Variants in PIP4K2A observed in about 807,000 individuals in gnomAD.
PIP4K2A encodes the protein phosphatidylinositol-5-phosphate 4-kinase type 2 alpha.
A neutral mutation model predicts 42.9 loss-of-function variants in PIP4K2A; 14 were observed. That is an observed-to-expected ratio of 0.33 (90% CI 0.22 to 0.51). The LOEUF is 0.51. PIP4K2A is among the 20% of genes least tolerant of loss of function. The pLI, the probability that PIP4K2A is intolerant of heterozygous loss-of-function variation, is 0.97. For synonymous variants in PIP4K2A, 192 were observed against 192.2 expected, an observed-to-expected ratio of 1.00 and a Z score of 0.01; for missense variants, 434 against 519.8, an observed-to-expected ratio of 0.83 and a Z score of 1.61.
At chr10:22,712,924 GTGTGTGTGTGTGTGTGTC>G (rs961842678) in intron 1 of PIP4K2A, among the ~76,000 whole-genome samples, 1 of 151,666 alleles carries the variant, frequency 6.6e-6, no homozygotes, top group African/African-American at 2.4e-5. Context: ...GTGTGTGTGT[GTGTGTGTGTGTGTGTGTC>G]TGTGTGTGTG....
At chr10:22,663,317 T>A (rs1306574386) in intron 1 of PIP4K2A, among the ~76,000 whole-genome samples, 1 of 152,222 alleles carries the variant, frequency 6.6e-6, no homozygotes, top group Non-Finnish European at 1.5e-5. Context: ...TGCCAAGAAC[T>A]GGCATACAAT....
chr10:22,539,925 G>T (rs1055417223), intron 9 of PIP4K2A, 46 bp downstream of exon 9: 16 of 1,011,732 alleles, frequency 1.6e-5, no homozygotes, highest in Non-Finnish European at 2.4e-5. Flanking sequence ...GAGAGAGAGA[G>T]AGAGAGGGAG....
chr10:22,659,162 G>T (rs1375073548), intron 1 of PIP4K2A, among the ~76,000 whole-genome samples: 1 of 152,192 alleles, frequency 6.6e-6, no homozygotes, highest in African/African-American at 2.4e-5. Context: ...CTAACACTTG[G>T]ATTCCATAGG....
At chr10:22,692,720 C>T (rs1839897927) in intron 1 of PIP4K2A, among the ~76,000 whole-genome samples, 1 of 152,092 alleles carries the variant, frequency 6.6e-6, no homozygotes. Context: ...ATGGAACAGC[C>T]CTTCATACAA....
At chr10:22,604,260 G>T (rs1483898722) in intron 3 of PIP4K2A, among the ~76,000 whole-genome samples, 2 of 152,130 alleles carry the variant, frequency 1.3e-5, no homozygotes, top group Non-Finnish European at 2.9e-5. Flanking sequence ...AACTTTTTAA[G>T]AAGTTTAAAT....
chr10:22,543,229 C>T (rs1836173205), intron 7 of PIP4K2A, among the ~76,000 whole-genome samples: 1 of 152,176 alleles, frequency 6.6e-6, no homozygotes, highest in Non-Finnish European at 1.5e-5. Flanking sequence ...CCCCTGGGCA[C>T]AGGGCTATCC....
intron 1 of PIP4K2A, among the ~76,000 whole-genome samples, chr10:22,618,034 T>G (rs1440105316): frequency 1.3e-5 from 2 of 152,208 alleles, no homozygotes; most frequent in African/African-American, 2.4e-5. Context: ...TAGATACTAC[T>G]GTAATTAATT....
intron 5 of PIP4K2A, among the ~76,000 whole-genome samples, chr10:22,569,579 C>T (rs1299284395): frequency 6.6e-6 from 1 of 152,172 alleles, no homozygotes; most frequent in Admixed American, 6.6e-5. Flanking sequence ...AATACTTGAG[C>T]ACTGCCTATG....
chr10:22,696,177 T>C (rs1485955113), intron 1 of PIP4K2A, among the ~76,000 whole-genome samples: 2 of 152,220 alleles, frequency 1.3e-5, no homozygotes, highest in Non-Finnish European at 2.9e-5. Flanking sequence ...GTGTAACAAC[T>C]ATAGAATATT....
chr10:22,711,979 G>T (rs1299894876), intron 1 of PIP4K2A, among the ~76,000 whole-genome samples: 2 of 152,140 alleles, frequency 1.3e-5, no homozygotes, highest in East Asian at 3.8e-4. Flanking sequence ...AAGACAGTTG[G>T]ATAAAAATAT....
intron 1 of PIP4K2A, among the ~76,000 whole-genome samples, chr10:22,627,588 TAATAAAAAAAAAAAAAAAA>T (rs1335095538): frequency 2.9e-3 from 112 of 38,954 alleles, no homozygotes; most frequent in African/African-American, 7.4e-3. Flanking sequence ...AGCTAATATG[TAATAAAAAAAAAAAAAAAA>T]AAAAAAAAAA....
At chr10:22,600,556 C>G (rs56928466) in intron 3 of PIP4K2A, among the ~76,000 whole-genome samples, 11,395 of 152,116 alleles carry the variant, frequency 0.075, 1,153 homozygotes, top group African/African-American at 0.23. Context: ...CCTAACTTCC[C>G]GGAAATATTC....
chr10:22,542,151 G>C (rs762832681), intron 7 of PIP4K2A, 104 bp from the exon 8 acceptor site: 99 of 1,048,342 alleles, frequency 9.4e-5, no homozygotes, highest in Non-Finnish European at 1.3e-4. Flanking sequence ...GCTGTGGGGT[G>C]GGGCAGCAGA....
At chr10:22,669,039 TC>T (rs1839401207) in intron 1 of PIP4K2A, among the ~76,000 whole-genome samples, 1 of 152,190 alleles carries the variant, frequency 6.6e-6, no homozygotes, top group Non-Finnish European at 1.5e-5. Context: ...TATGGAGTTT[TC>T]AAGAGCTCTG....
At chr10:22,588,696 C>T (rs995361423) in intron 4 of PIP4K2A, among the ~76,000 whole-genome samples, 46 of 152,294 alleles carry the variant, frequency 3.0e-4, no homozygotes, top group African/African-American at 1.1e-3. Context: ...ATCCAAGAGG[C>T]AGTTCCTAAC....
intron 7 of PIP4K2A, among the ~76,000 whole-genome samples, chr10:22,543,015 G>C (rs1439083828): frequency 1.3e-5 from 2 of 152,350 alleles, no homozygotes; most frequent in Admixed American, 6.5e-5. Context: ...TGGCTGAGCA[G>C]CCTCTGGGCT....
At chr10:22,600,534 T>A (rs1326149210) in intron 3 of PIP4K2A, among the ~76,000 whole-genome samples, 1 of 152,094 alleles carries the variant, frequency 6.6e-6, no homozygotes, top group African/African-American at 2.4e-5. Flanking sequence ...GATCCAAGAC[T>A]CAACCAGGCC....
chr10:22,537,445 G>A (rs1215788693), intron 9 of PIP4K2A, among the ~76,000 whole-genome samples, 164 bp from the exon 10 acceptor site: 5 of 152,010 alleles, frequency 3.3e-5, no homozygotes, highest in South Asian at 2.1e-4. Flanking sequence ...ATATCTTGGC[G>A]CTCATGGTTG....
At chr10:22,542,170 G>C in intron 7 of PIP4K2A, 123 bp from the exon 8 acceptor site, 1 of 762,784 alleles carries the variant, frequency 1.3e-6, no homozygotes, top group Non-Finnish European at 2.2e-6. Flanking sequence ...GAGGCGCCGG[G>C]TGCCTCCTTC....
Sources: allele counts gnomAD v4.1 joint callset (sites outside exome capture counted in the v4.1 genomes callset), GRCh38; gene constraint gnomAD v4.1.1; transcripts MANE v1.5; gene names NCBI Gene and HGNC (gene_info 2026-07-23, HGNC 2026-07-21).